The following PRDM16 variants were observed in gnomAD, a reference collection of about 807,000 sequenced individuals.
The protein encoded by PRDM16 is PR/SET domain 16.
In PRDM16, 23 loss-of-function variants were observed where a neutral mutation model predicts 110.6. The observed-to-expected ratio is 0.21, with a 90% confidence interval of 0.15 to 0.29. PRDM16 has a LOEUF of 0.29. Among genes scored for constraint, PRDM16 ranks in the 10% least tolerant of loss-of-function variants. The pLI, the probability that PRDM16 is intolerant of heterozygous loss-of-function variation, is 1.00. For synonymous variants in PRDM16, 799 were observed against 781.8 expected, an observed-to-expected ratio of 1.02 and a Z score of -0.37; for missense variants, 1,615 against 1,794.3, an observed-to-expected ratio of 0.90 and a Z score of 1.81.
chr1:3,114,480 ACACG>A (rs1226668128), intron 1 of PRDM16, among the ~76,000 whole-genome samples: 25 of 146,238 alleles, frequency 1.7e-4, no homozygotes, highest in Non-Finnish European at 1.8e-4. Flanking sequence ...GTGTAAACAG[ACACG>A]CACGCACGCA....
chr1:3,310,558 C>G (rs146467289), intron 3 of PRDM16, among the ~76,000 whole-genome samples: 1 of 152,088 alleles, frequency 6.6e-6, no homozygotes, highest in Admixed American at 6.5e-5. Flanking sequence ...ACACAGCATC[C>G]GTGCCTGGGG....
At chr1:3,225,885 G>A (rs954003825) in intron 2 of PRDM16, among the ~76,000 whole-genome samples, 2 of 152,230 alleles carry the variant, frequency 1.3e-5, no homozygotes, top group African/African-American at 4.8e-5. Context: ...AGGCAAAGCC[G>A]GTGGCATGCT....
At chr1:3,212,552 G>A (rs1177012313) in intron 2 of PRDM16, among the ~76,000 whole-genome samples, 1 of 147,856 alleles carries the variant, frequency 6.8e-6, no homozygotes, top group Non-Finnish European at 1.5e-5. Context: ...CTGGCTGGAC[G>A]CCTGCACCCC....
rs1638749964 is a variant in PRDM16 at position 3,206,214 on chromosome 1, G to T, written c.387+19740G>T. ...CCACACTAAGCCAGTGGCCCACACTGACCTGGCCAGGCCACTCCTCTGGAG... is the reference window on the plus strand; with the variant it reads ...CCACACTAAGCCAGTGGCCCACACTTACCTGGCCAGGCCACTCCTCTGGAG... On this transcript the variant is annotated intron_variant, in intron 2 of 16. Coordinates refer to ENST00000270722, the MANE Select transcript of PRDM16 (RefSeq NM_022114.4). The surrounding 1 kb of genome is among the most constrained non-coding windows in gnomAD (Gnocchi z 4.9). 6.6e-6 allele frequency: 1 copy of T among 152,178 alleles called. No homozygotes were observed. The highest frequency in any genetic ancestry group is 1.5e-5 in the Non-Finnish European group (1 of 68,104). The allele number at this position is 152,178 out of a possible 1,614,324, so 9.4% of individuals were successfully genotyped here.
chr1:3,275,085 GC>G (rs1640552881), intron 3 of PRDM16, among the ~76,000 whole-genome samples: 1 of 152,254 alleles, frequency 6.6e-6, no homozygotes, highest in Non-Finnish European at 1.5e-5. Context: ...GCCTGGCAGA[GC>G]CATTCTGGAC....
At chr1:3,288,641 C>T (rs867616893) in intron 3 of PRDM16, among the ~76,000 whole-genome samples, 2 of 152,154 alleles carry the variant, frequency 1.3e-5, no homozygotes, top group African/African-American at 4.8e-5. Context: ...CCCATAGCCC[C>T]TCCCCCACCA....
At chr1:3,102,540 C>G (rs1474536851) in intron 1 of PRDM16, among the ~76,000 whole-genome samples, 1 of 152,216 alleles carries the variant, frequency 6.6e-6, no homozygotes, top group East Asian at 1.9e-4. Flanking sequence ...ACGGCTGGAT[C>G]TGAAGTGTCC....
chr1:3,400,560 C>T (rs539174634), intron 5 of PRDM16, among the ~76,000 whole-genome samples: 4 of 152,286 alleles, frequency 2.6e-5, no homozygotes, highest in Non-Finnish European at 4.4e-5. Context: ...TGAACAAACT[C>T]GGAAAGCTCC....
Position 3,081,425 on chromosome 1 carries a change from C to T in PRDM16, c.37+12129C>T, listed in dbSNP as rs530165959. 3.0e-4 allele frequency among the ~76,000 whole-genome samples: 45 copies of T among 152,294 alleles called. 1 individual carries two copies. The South Asian group carries it at 6.6e-3, about 22-fold the overall frequency. On this transcript the variant is annotated intron_variant, in intron 1 of 16. Transcript: ENST00000270722. This position sits in a 1 kb window ranked among gnomAD's most constrained non-coding sequence, Gnocchi z 4.6. ...CATTCCTGCAGCCTGGCCCGGCCGG[C>T]CCCTGGAGAGCCCCCTCCTTGTCCC... is the stretch of plus-strand genomic sequence containing the variant.
chr1:3,294,963 A>C (rs189712548), intron 3 of PRDM16, among the ~76,000 whole-genome samples: 2 of 152,216 alleles, frequency 1.3e-5, no homozygotes, highest in African/African-American at 4.8e-5. Context: ...TCTCAGGGAC[A>C]TCTTCCCCCG....
intron 1 of PRDM16, among the ~76,000 whole-genome samples, chr1:3,144,061 G>A (rs1014659437): frequency 5.9e-5 from 9 of 152,140 alleles, no homozygotes; most frequent in African/African-American, 1.4e-4. Context: ...TTCCTCTCTG[G>A]CCCCCTCCCA....
chr1:3,434,042 T>C lies in PRDM16; in HGVS notation c.*231T>C, dbSNP rs1638845155. ...GATTGGTCTTGAGAACACTGTTCAG[T>C]GACGGCCATGCAGGTGGCCGTCCAA... On this transcript the variant is annotated 3_prime_UTR_variant, in exon 17 of 17. Transcript: ENST00000270722. The C allele has an allele frequency of 2.0e-6, 1 of 498,322 alleles. No homozygotes were observed. The highest frequency in any genetic ancestry group is 1.9e-5 in the African/African-American group (1 of 51,340). The allele number at this position is 498,322 out of a possible 1,614,324, so 30.9% of individuals were successfully genotyped here. A position where few individuals can be genotyped will look rare whatever the true frequency, so the allele number is the denominator to read the frequency against.
At chr1:3,137,270 C>T (rs1361789566) in intron 1 of PRDM16, among the ~76,000 whole-genome samples, 4 of 152,238 alleles carry the variant, frequency 2.6e-5, no homozygotes, top group Admixed American at 2.0e-4. Flanking sequence ...GCTGACCTGG[C>T]CGCCACCGGC....
intron 1 of PRDM16, among the ~76,000 whole-genome samples, chr1:3,145,818 C>T (rs778932274): frequency 2.6e-5 from 4 of 152,128 alleles, no homozygotes; most frequent in South Asian, 2.1e-4. Flanking sequence ...TTTATCTAGT[C>T]GGGGTCCATT....
In PRDM16 at chr1:3,080,732, T is replaced by C. The variant is rs1301446532; in HGVS notation, c.37+11436T>C. Among the ~76,000 whole-genome samples the C allele has an allele frequency of 6.6e-6, 1 of 152,170 alleles. No individual in the cohort carries two copies. Among genetic ancestry groups the C allele is most frequent in the African/African-American group, 2.4e-5 (1 of 41,442 alleles). The stretch of plus-strand genomic sequence containing the variant: ...CTCGGACCGGGCAACTGCTCCTGGA[T>C]TTCTGTTCCGAGGAACATGTTGGGC... On this transcript the variant is annotated intron_variant, in intron 1 of 16. Coordinates refer to ENST00000270722, the MANE Select transcript of PRDM16 (RefSeq NM_022114.4). This position sits in a 1 kb window ranked among gnomAD's most constrained non-coding sequence, Gnocchi z 5.2.
At chr1:3,418,971 GC>G (rs1638350995) in intron 12 of PRDM16, among the ~76,000 whole-genome samples, 1 of 152,146 alleles carries the variant, frequency 6.6e-6, no homozygotes, top group Non-Finnish European at 1.5e-5. Context: ...GAAGGCATCT[GC>G]CTGGCTCTCA....
chr1:3,300,755 C>T (rs1641191316), intron 3 of PRDM16, among the ~76,000 whole-genome samples: 1 of 152,142 alleles, frequency 6.6e-6, no homozygotes, highest in South Asian at 2.1e-4. Flanking sequence ...CCCCCCGAAC[C>T]CCATTTATGT....
At chr1:3,400,775 C>T (rs934863469) in intron 5 of PRDM16, among the ~76,000 whole-genome samples, 1 of 152,198 alleles carries the variant, frequency 6.6e-6, no homozygotes, top group Non-Finnish European at 1.5e-5. Context: ...GATGCCTGGA[C>T]ACCGGCTGAG....
intron 3 of PRDM16, among the ~76,000 whole-genome samples, chr1:3,295,721 G>A (rs1366318528): frequency 6.6e-6 from 1 of 152,164 alleles, no homozygotes; most frequent in African/African-American, 2.4e-5. Context: ...CGTTGACAGG[G>A]TTTCTGGGCG....
Sources: gnomAD v4.1 joint callset for allele counts (sites outside exome capture counted in the v4.1 genomes callset) on GRCh38, gnomAD v4.1.1 for gene constraint, Gnocchi (gnomAD v3.1) non-coding constraint, MANE v1.5 for transcripts, NCBI Gene and HGNC (gene_info 2026-07-23, HGNC 2026-07-21) for gene names.